The following ABTB3 variants were observed in gnomAD, a reference collection of about 807,000 sequenced individuals.
ABTB3 encodes the protein ankyrin repeat- and BTB/POZ domain-containing protein 3.
the ABTB3 span, among the ~76,000 whole-genome samples, chr12:107,344,632 T>C: frequency 1.3e-5 from 2 of 152,210 alleles, no homozygotes; most frequent in African/African-American, 2.4e-5. Flanking sequence ...GGAGGGATGA[T>C]GGCTGACACC....
chr12:107,569,438 C>G, the ABTB3 span, among the ~76,000 whole-genome samples: 29 of 152,248 alleles, frequency 1.9e-4, no homozygotes, highest in African/African-American at 6.0e-4. Flanking sequence ...GATAAATTTT[C>G]ACAAGGTTGA....
the ABTB3 span, among the ~76,000 whole-genome samples, chr12:107,386,639 G>C: frequency 1.3e-5 from 2 of 152,182 alleles, no homozygotes; most frequent in Admixed American, 1.3e-4. Context: ...ATTCTGTCCT[G>C]AGTCAGCCTG....
the ABTB3 span, among the ~76,000 whole-genome samples, chr12:107,610,815 A>C: frequency 6.6e-6 from 1 of 152,214 alleles, no homozygotes; most frequent in Admixed American, 6.5e-5. Flanking sequence ...GAGGCGACTC[A>C]GAGATAGGCA....
the ABTB3 span, among the ~76,000 whole-genome samples, chr12:107,423,995 A>C: frequency 6.6e-6 from 1 of 152,280 alleles, no homozygotes; most frequent in East Asian, 1.9e-4. Flanking sequence ...AAAGCCCCAA[A>C]TTTGCCCATG....
At chr12:107,325,857 A>G in the ABTB3 span, among the ~76,000 whole-genome samples, 2 of 152,200 alleles carry the variant, frequency 1.3e-5, no homozygotes, top group Admixed American at 6.5e-5. Flanking sequence ...TATGCCAGGC[A>G]CTATTTTAAG....
chr12:107,613,515 A>G, the ABTB3 span, among the ~76,000 whole-genome samples: 1 of 152,032 alleles, frequency 6.6e-6, no homozygotes, highest in Non-Finnish European at 1.5e-5. Flanking sequence ...CACCGCTGCC[A>G]TGGTGACTTG....
At chr12:107,452,383 T>A in the ABTB3 span, among the ~76,000 whole-genome samples, 1 of 151,826 alleles carries the variant, frequency 6.6e-6, no homozygotes, top group Non-Finnish European at 1.5e-5. Flanking sequence ...ATTTTTTGTA[T>A]TTTTAGTAGA....
chr12:107,497,303 TCAC>T, the ABTB3 span, among the ~76,000 whole-genome samples: 2 of 146,938 alleles, frequency 1.4e-5, no homozygotes, highest in Admixed American at 1.3e-4. Flanking sequence ...ACCATCACTA[TCAC>T]CACCATCACC....
chr12:107,570,885 G>C, the ABTB3 span, among the ~76,000 whole-genome samples: 96 of 152,230 alleles, frequency 6.3e-4, no homozygotes, highest in East Asian at 0.018. Context: ...CTTCCTCTGG[G>C]CCTCTGTACA....
chr12:107,360,142 A>G, the ABTB3 span, among the ~76,000 whole-genome samples: 1 of 152,212 alleles, frequency 6.6e-6, no homozygotes, highest in Non-Finnish European at 1.5e-5. Flanking sequence ...TTGTTACATT[A>G]TATGGTCACT....
the ABTB3 span, among the ~76,000 whole-genome samples, chr12:107,605,398 G>C: frequency 6.6e-6 from 1 of 152,234 alleles, no homozygotes; most frequent in Non-Finnish European, 1.5e-5. Flanking sequence ...GGAGAGCCCT[G>C]GCTTGTATGG....
At chr12:107,386,230 G>C in the ABTB3 span, among the ~76,000 whole-genome samples, 2 of 152,132 alleles carry the variant, frequency 1.3e-5, no homozygotes, top group African/African-American at 4.8e-5. Context: ...TGCCTAACGA[G>C]GCTAGTTCAA....
At chr12:107,476,472 A>T in the ABTB3 span, among the ~76,000 whole-genome samples, 3 of 152,208 alleles carry the variant, frequency 2.0e-5, no homozygotes, top group African/African-American at 7.2e-5. Flanking sequence ...TGTGTCAGAC[A>T]ATCTCCAAGG....
At chr12:107,608,968 TATAAAATAAAATAAA>T in the ABTB3 span, among the ~76,000 whole-genome samples, 4 of 101,858 alleles carry the variant, frequency 3.9e-5, no homozygotes, top group Non-Finnish European at 8.1e-5. Flanking sequence ...TAAAATAAAA[TATAAAATAAAATAAA>T]ATAAAATAAA....
chr12:107,541,925 G>GAA, the ABTB3 span, among the ~76,000 whole-genome samples: 670 of 145,882 alleles, frequency 4.6e-3, 4 homozygotes, highest in African/African-American at 0.015. Flanking sequence ...AAGTTGGAAA[G>GAA]AAAAAAAAAA....
At chr12:107,583,677 C>A in the ABTB3 span, among the ~76,000 whole-genome samples, 1 of 152,190 alleles carries the variant, frequency 6.6e-6, no homozygotes, top group Non-Finnish European at 1.5e-5. Context: ...GCTCTTTCTG[C>A]ATGGTCTAGC....
chr12:107,618,298 A>G, the ABTB3 span: 2 of 1,613,960 alleles, frequency 1.2e-6, no homozygotes, highest in Non-Finnish European at 1.7e-6. Context: ...AGCAAGGCCA[A>G]ACTGAGGGCC....
At chr12:107,458,756 T>C in the ABTB3 span, among the ~76,000 whole-genome samples, 1 of 152,162 alleles carries the variant, frequency 6.6e-6, no homozygotes, top group African/African-American at 2.4e-5. Context: ...CTAGATACCC[T>C]GTCCCCAGCT....
the ABTB3 span, among the ~76,000 whole-genome samples, chr12:107,420,806 A>C: frequency 6.6e-6 from 1 of 152,198 alleles, no homozygotes; most frequent in Non-Finnish European, 1.5e-5. Context: ...CCTGGGGATT[A>C]AAAGACCCAG....
Sources: allele counts gnomAD v4.1 joint callset (sites outside exome capture counted in the v4.1 genomes callset), GRCh38; gene constraint gnomAD v4.1.1; transcripts MANE v1.5; gene names NCBI Gene and HGNC (gene_info 2026-07-23, HGNC 2026-07-21).